Variants in NDRG4 observed in about 807,000 individuals in gnomAD.
NDRG4 encodes NDRG family member 4.
In NDRG4, 38 loss-of-function variants were observed where a neutral mutation model predicts 55.8. That is an observed-to-expected ratio of 0.68 (90% confidence interval 0.53 to 0.89). NDRG4 has a LOEUF of 0.89. Among genes scored for constraint, NDRG4 ranks in the 40% least tolerant of loss-of-function variants. NDRG4 has a pLI of 0.00. For synonymous variants in NDRG4, 190 were observed against 182.7 expected, an observed-to-expected ratio of 1.04 and a Z score of -0.32; for missense variants, 455 against 468.6, an observed-to-expected ratio of 0.97 and a Z score of 0.27.
chr16:58,509,937 C>T (rs1216942933), intron 13 of NDRG4, among the ~76,000 whole-genome samples: 1 of 147,194 alleles, frequency 6.8e-6, no homozygotes, highest in African/African-American at 2.4e-5. Context: ...TACACACACA[C>T]AGACACACAC....
intron 2 of NDRG4, among the ~76,000 whole-genome samples, chr16:58,492,179 C>T (rs1465604865): frequency 2.0e-5 from 3 of 152,156 alleles, no homozygotes; most frequent in South Asian, 2.1e-4. Context: ...ACAGCCTGCC[C>T]GCCCACTGCT....
At chr16:58,471,079 C>G (rs1282917822) in intron 1 of NDRG4, among the ~76,000 whole-genome samples, 1 of 151,924 alleles carries the variant, frequency 6.6e-6, no homozygotes, top group Non-Finnish European at 1.5e-5. Context: ...ACAGATTCTT[C>G]CCAGAACCCC....
chr16:58,482,535 C>T (rs1392912553), intron 1 of NDRG4, among the ~76,000 whole-genome samples: 1 of 152,148 alleles, frequency 6.6e-6, no homozygotes, highest in African/African-American at 2.4e-5. Context: ...CCTTCTCACC[C>T]GTGGTCCCTG....
At chr16:58,505,519 A>G (rs1043657785) in intron 5 of NDRG4, among the ~76,000 whole-genome samples, 2 of 151,790 alleles carry the variant, frequency 1.3e-5, no homozygotes, top group African/African-American at 4.8e-5. Context: ...TCCAGTTGCA[A>G]TGTCAGCACT....
chr16:58,504,095 GCCTT>G, intron 2 of NDRG4, 55 bp from the exon 3 acceptor site: 1 of 1,606,696 alleles, frequency 6.2e-7, no homozygotes, highest in South Asian at 1.1e-5. Flanking sequence ...TGGGGGCCCG[GCCTT>G]CCTTCCAGTC....
chr16:58,470,872 A>C (rs13332929), intron 1 of NDRG4, among the ~76,000 whole-genome samples: 3,436 of 139,700 alleles, frequency 0.025, 129 homozygotes, highest in African/African-American at 0.084. Flanking sequence ...GTGCCACTGC[A>C]TTCTAGCCTG....
Position 58,500,233 on chromosome 16 carries a change from T to C in NDRG4, c.-16T>C. 1 of 1,536,010 alleles carries C rather than the reference T, an allele frequency of 6.5e-7. No homozygotes were observed. The highest frequency in any genetic ancestry group is 8.7e-7 in the Non-Finnish European group (1 of 1,146,852). ...TTTGTCCTTCCTGGTAGAGGCGGGT[T>C]CCCTCCCTCGGCAAGATGCCGGAGT... On this transcript the variant is annotated 5_prime_UTR_variant, in exon 1 of 15. Coordinates refer to ENST00000570248, the MANE Select transcript of NDRG4 (RefSeq NM_001242835.2).
rs529347998 is a variant in NDRG4 at position 58,513,038 on chromosome 16, T to G, written c.*1462T>G. On this transcript the variant is annotated 3_prime_UTR_variant, in exon 15 of 15. Transcript: ENST00000570248. ...GCCCAGTTCTACCCCCTCATGTGCT[T>G]CTTCTGAATACTGAATGTGACTGTT... 8.5e-5 allele frequency: 13 copies of G among 152,830 alleles called. No homozygotes were observed. Among genetic ancestry groups the G allele is most frequent in the East Asian group, 3.9e-4 (2 of 5,188 alleles). 9.5% of individuals were successfully genotyped at this position (152,830 alleles called of 1,614,324 possible).
chr16:58,506,138 GTGTGTGTGTGTGTGTGTGTC>G (rs774708009), intron 5 of NDRG4: 19 of 626,174 alleles, frequency 3.0e-5, no homozygotes, highest in South Asian at 1.3e-4. Context: ...AAGAGCGTGT[GTGTGTGTGTGTGTGTGTGTC>G]TGTGTGTGTG....
chr16:58,511,204 C>G (rs2038757326), intron 14 of NDRG4: 1 of 582,172 alleles, frequency 1.7e-6, no homozygotes. Context: ...CTCAGGGCTG[C>G]CTGGTCAGCT....
At chr16:58,490,826 A>C (rs183731179) in intron 2 of NDRG4, among the ~76,000 whole-genome samples, 1 of 152,192 alleles carries the variant, frequency 6.6e-6, no homozygotes, top group African/African-American at 2.4e-5. Context: ...AAATTATAAA[A>C]ATTAGCTGGG....
At chr16:58,503,700 C>T in intron 1 of NDRG4, 98 bp from the exon 2 acceptor site, 3 of 1,567,488 alleles carry the variant, frequency 1.9e-6, no homozygotes, top group African/African-American at 1.4e-5. Context: ...AGGGGCTCTA[C>T]CACAGGCCTA....
intron 1 of NDRG4, among the ~76,000 whole-genome samples, chr16:58,470,774 G>T (rs1317110291): frequency 6.6e-6 from 1 of 152,024 alleles, no homozygotes; most frequent in African/African-American, 2.4e-5. Context: ...AGGCATGTTG[G>T]TGCGTGCCTG....
exon 2 of NDRG4, chr16:58,487,811 G>C: frequency 6.5e-7 from 1 of 1,543,900 alleles, no homozygotes; most frequent in Non-Finnish European, 8.7e-7. Context: ...GATTCCCTGA[G>C]GAGAAGCCGC....
intron 1 of NDRG4, among the ~76,000 whole-genome samples, chr16:58,484,988 TCTCC>T (rs2034920538): frequency 1.3e-5 from 2 of 151,640 alleles, no homozygotes; most frequent in South Asian, 4.2e-4. Flanking sequence ...TTCACGCCAT[TCTCC>T]TGCCTCAGCC....
chr16:58,505,825 A>C (rs2037893540), intron 5 of NDRG4, among the ~76,000 whole-genome samples: 1 of 144,328 alleles, frequency 6.9e-6, no homozygotes, highest in Non-Finnish European at 1.5e-5. Flanking sequence ...TGGTTCAAGC[A>C]ATTCTCCTGC....
chr16:58,513,867 A>G (rs370482878), downstream of NDRG4, among the ~76,000 whole-genome samples: 7 of 152,304 alleles, frequency 4.6e-5, no homozygotes, highest in African/African-American at 1.7e-4. Context: ...CTGAGGCAGG[A>G]GAATCGCTTG....
intron 1 of NDRG4, chr16:58,500,508 G>A: frequency 2.0e-6 from 1 of 497,784 alleles, no homozygotes; most frequent in Non-Finnish European, 3.5e-6. Context: ...TGGGGGGAGC[G>A]TGTGGTTGGG....
intron 1 of NDRG4, among the ~76,000 whole-genome samples, chr16:58,486,204 C>G (rs2035062470): frequency 6.6e-6 from 1 of 152,210 alleles, no homozygotes; most frequent in Non-Finnish European, 1.5e-5. Context: ...CTCTGTCACT[C>G]AGGCTGGAGT....
Sources: allele counts gnomAD v4.1 joint callset (sites outside exome capture counted in the v4.1 genomes callset), GRCh38; gene constraint gnomAD v4.1.1; transcripts MANE v1.5; gene names NCBI Gene and HGNC (gene_info 2026-07-23, HGNC 2026-07-21).